The following CNTN5 variants were observed in gnomAD, a reference collection of about 807,000 sequenced individuals.
CNTN5 encodes contactin-5.
In CNTN5, 77 loss-of-function variants were observed where a neutral mutation model predicts 129.1. That is an observed-to-expected ratio of 0.60 (90% CI 0.50 to 0.72). The LOEUF (loss-of-function observed/expected upper bound fraction) is 0.72, where lower values mean the gene tolerates loss of function less well. CNTN5 is among the 30% of genes least tolerant of loss of function. The pLI is 0.00. For synonymous variants in CNTN5, 509 were observed against 465.6 expected (o/e 1.09, Z -1.20); for missense variants, 1,478 against 1,328.8 (o/e 1.11, Z -1.75).
At chr11:99,695,761 ACTCT>A (rs1396692944) in intron 3 of CNTN5, among the ~76,000 whole-genome samples, 1 of 151,894 alleles carries the variant, frequency 6.6e-6, no homozygotes, top group Non-Finnish European at 1.5e-5. Flanking sequence ...AAAAAATAAA[ACTCT>A]GTAAAAGCTG....
intron 3 of CNTN5, among the ~76,000 whole-genome samples, chr11:99,577,005 G>C (rs1949376874): frequency 6.6e-6 from 1 of 151,930 alleles, no homozygotes; most frequent in Admixed American, 6.6e-5. Flanking sequence ...CACAATAAAG[G>C]GAAAAAATGT....
chr11:99,244,168 A>G (rs1861706272), intron 1 of CNTN5, among the ~76,000 whole-genome samples: 1 of 152,156 alleles, frequency 6.6e-6, no homozygotes, highest in Non-Finnish European at 1.5e-5. Flanking sequence ...TACTCGTCGT[A>G]GAGATCTTTC....
chr11:99,213,719 T>A (rs1402112755), intron 1 of CNTN5, among the ~76,000 whole-genome samples: 1 of 152,134 alleles, frequency 6.6e-6, no homozygotes, highest in African/African-American at 2.4e-5. Context: ...GTGACATGTG[T>A]ATCTGGTTTG....
At chr11:100,332,395 C>G (rs904140518) in intron 21 of CNTN5, among the ~76,000 whole-genome samples, 1 of 151,996 alleles carries the variant, frequency 6.6e-6, no homozygotes, top group Non-Finnish European at 1.5e-5. Context: ...CAGCTGAATT[C>G]TATCAGACAT....
chr11:99,164,033 T>A (rs1860749143), intron 1 of CNTN5, among the ~76,000 whole-genome samples: 1 of 152,126 alleles, frequency 6.6e-6, no homozygotes, highest in Admixed American at 6.5e-5. Context: ...GTCAAAAAAA[T>A]GTGTTGCAAT....
chr11:99,901,552 C>G (rs1949357576), intron 6 of CNTN5, among the ~76,000 whole-genome samples: 1 of 152,072 alleles, frequency 6.6e-6, no homozygotes, highest in Non-Finnish European at 1.5e-5. Flanking sequence ...TTTGGCCTCC[C>G]AAAGTGCTGT....
chr11:99,822,453 G>T (rs1946831597), intron 4 of CNTN5, among the ~76,000 whole-genome samples: 1 of 152,174 alleles, frequency 6.6e-6, no homozygotes, highest in South Asian at 2.1e-4. Context: ...TCAAAATAGA[G>T]AGTGAACATG....
At position 100,340,448 on chromosome 11, in the gene CNTN5, A is replaced by G; in HGVS notation, c.2731-15A>G. ...AGCTTTAAAATTAACCTGCCATGTG[A>G]TAATTTGTTGATAGGTTGGTTACTG... On this transcript the variant is annotated splice_polypyrimidine_tract_variant and intron_variant, in intron 21 of 24. Coordinates refer to ENST00000524871, the MANE Select transcript of CNTN5 (RefSeq NM_014361.4). 2.5e-6 allele frequency: 4 copies of G among 1,589,238 alleles called. No individual in the cohort carries two copies. The highest frequency in any genetic ancestry group is 3.4e-6 in the Non-Finnish European group (4 of 1,165,472).
At chr11:99,049,878 A>G (rs1229388930) in intron 1 of CNTN5, 4 of 152,186 alleles carry the variant, frequency 2.6e-5, no homozygotes, top group Non-Finnish European at 4.4e-5. Flanking sequence ...ACAGCCTTAC[A>G]TGACTCTGAT....
At chr11:99,936,673 G>T (rs1161613356) in intron 7 of CNTN5, among the ~76,000 whole-genome samples, 1 of 152,142 alleles carries the variant, frequency 6.6e-6, no homozygotes, top group Non-Finnish European at 1.5e-5. Flanking sequence ...TAATAGTCCT[G>T]CAGATCAAGC....
intron 7 of CNTN5, among the ~76,000 whole-genome samples, chr11:99,921,639 A>C (rs1459968826): frequency 6.6e-6 from 1 of 152,192 alleles, no homozygotes; most frequent in African/African-American, 2.4e-5. Context: ...CGTTGTTCAT[A>C]GTTTGTCTCC....
At chr11:99,938,767 C>G (rs893920709) in intron 7 of CNTN5, among the ~76,000 whole-genome samples, 1 of 151,732 alleles carries the variant, frequency 6.6e-6, no homozygotes, top group African/African-American at 2.4e-5. Flanking sequence ...GTAATAGTTA[C>G]AAAATAATAA....
At chr11:99,988,308 A>G (rs1484770386) in intron 8 of CNTN5, among the ~76,000 whole-genome samples, 2 of 152,230 alleles carry the variant, frequency 1.3e-5, no homozygotes, top group Non-Finnish European at 2.9e-5. Flanking sequence ...CTCATTTGTC[A>G]CGTTTTTTGC....
At chr11:100,144,967 G>T (rs1946804280) in intron 13 of CNTN5, among the ~76,000 whole-genome samples, 1 of 126,624 alleles carries the variant, frequency 7.9e-6, no homozygotes, top group African/African-American at 2.6e-5. Context: ...TCTTTCTCAA[G>T]TTTAGGTGTC....
intron 9 of CNTN5, among the ~76,000 whole-genome samples, chr11:100,046,947 A>G (rs1276856868): frequency 6.6e-6 from 1 of 152,186 alleles, no homozygotes. Context: ...GAGAAATCCA[A>G]GATGATCACA....
intron 3 of CNTN5, among the ~76,000 whole-genome samples, chr11:99,778,056 A>G (rs891770332): frequency 1.3e-5 from 2 of 151,856 alleles, no homozygotes; most frequent in Admixed American, 1.3e-4. Context: ...TCCATTTTTT[A>G]ATTCAGATTG....
intron 13 of CNTN5, among the ~76,000 whole-genome samples, chr11:100,136,997 T>C (rs1326335408): frequency 6.6e-6 from 1 of 151,874 alleles, no homozygotes; most frequent in Non-Finnish European, 1.5e-5. Flanking sequence ...AAATATATAC[T>C]TACTTAAATA....
At chr11:99,802,891 G>A (rs1411555329) in intron 3 of CNTN5, among the ~76,000 whole-genome samples, 1 of 152,140 alleles carries the variant, frequency 6.6e-6, no homozygotes, top group Non-Finnish European at 1.5e-5. Context: ...CACCATCTAT[G>A]CACAGGAAAG....
chr11:99,386,461 A>G (rs902399254), intron 2 of CNTN5, among the ~76,000 whole-genome samples: 8 of 152,102 alleles, frequency 5.3e-5, no homozygotes, highest in Admixed American at 4.6e-4. Flanking sequence ...ACTTCCTGAC[A>G]TTGCCATGGC....
Sources: allele counts gnomAD v4.1 joint callset (sites outside exome capture counted in the v4.1 genomes callset), GRCh38; gene constraint gnomAD v4.1.1; transcripts MANE v1.5; gene names NCBI Gene and HGNC (gene_info 2026-07-23, HGNC 2026-07-21).